ZNF354B: variants seen among roughly 807,000 people sequenced by gnomAD.
ZNF354B encodes zinc finger protein 354B.
A neutral mutation model predicts 12.9 loss-of-function variants in ZNF354B; 10 were observed. The observed-to-expected ratio is 0.77, with a 90% CI of 0.48 to 1.31. The LOEUF (loss-of-function observed/expected upper bound fraction) is 1.31, where lower values mean the gene tolerates loss of function less well. Ranked by LOEUF, ZNF354B falls within the 40% of genes most tolerant of loss-of-function variation. The pLI, the probability that ZNF354B is intolerant of heterozygous loss-of-function variation, is 0.00. For missense variants in ZNF354B, 614 were observed against 711.7 expected, an observed-to-expected ratio of 0.86 and a Z score of 1.56; for synonymous variants, 260 against 243.7, an observed-to-expected ratio of 1.07 and a Z score of -0.62.
At chr5:178,861,196 C>G (rs542007982) in intron 2 of ZNF354B, 116 bp downstream of exon 2, 1 of 1,078,664 alleles carries the variant, frequency 9.3e-7, no homozygotes, top group African/African-American at 1.6e-5. Flanking sequence ...CTTGGAGGAG[C>G]TGGTCCGCCC....
At chr5:178,861,533 T>C (rs552823196) in intron 2 of ZNF354B, among the ~76,000 whole-genome samples, 2 of 152,344 alleles carry the variant, frequency 1.3e-5, no homozygotes, top group South Asian at 4.1e-4. Flanking sequence ...GTGAATCATA[T>C]TCTTTGCTTG....
chr5:178,866,973 C>T lies in ZNF354B; in HGVS notation c.161-3C>T, dbSNP rs748822648. 3 of 1,613,080 alleles carry T rather than the reference C, an allele frequency of 1.9e-6. No individual in the cohort carries two copies. Among genetic ancestry groups the T allele is most frequent in the Admixed American group, 3.3e-5 (2 of 59,950 alleles). ...TTTTGTTGTTGTTGTTGTTTATGTGCAGGACTCTCATTTACCAAACCAAAA... is the reference window on the plus strand; with the variant it reads ...TTTTGTTGTTGTTGTTGTTTATGTGTAGGACTCTCATTTACCAAACCAAAA... On this transcript the variant is annotated splice_region_variant and splice_polypyrimidine_tract_variant and intron_variant, in intron 3 of 4. Transcript: ENST00000322434.
At chr5:178,864,661 C>T (rs115299474) in intron 2 of ZNF354B, among the ~76,000 whole-genome samples, 2,175 of 149,166 alleles carry the variant, frequency 0.015, 59 homozygotes, top group African/African-American at 0.05. Flanking sequence ...CTCACTTTAT[C>T]ACCAAGGCTG....
chr5:178,884,018 T>G lies in ZNF354B; in HGVS notation c.1566T>G (p.Tyr522Ter), dbSNP rs1031245461. ...HQRIHTGEKPYRCLECGMSFG... is the reference protein window; with the variant it reads ...HQRIHTGEKP ...GAATTCATACTGGAGAGAAACCATA[T>G]CGATGTTTAGAATGTGGGATGTCTT... Residue 522 changes from tyrosine (Y) to a stop codon, truncating the protein, a stop_gained, in exon 5 of 5, where the codon TAT (tyrosine) becomes TAG (stop). Transcript: ENST00000322434. LOFTEE classifies it low-confidence loss of function (END_TRUNC). 5.0e-6 allele frequency: 8 copies of G among 1,613,996 alleles called. No individual in the cohort carries two copies. Among genetic ancestry groups the G allele is most frequent in the Non-Finnish European group, 5.9e-6 (7 of 1,179,990 alleles).
chr5:178,862,362 C>CTTCT (rs1554103038), intron 2 of ZNF354B, among the ~76,000 whole-genome samples: 1 of 105,618 alleles, frequency 9.5e-6, no homozygotes, highest in African/African-American at 3.9e-5. Flanking sequence ...GTGGCATTAT[C>CTTCT]TTTTTTTTTT....
chr5:178,876,733 G>A (rs537580424), intron 4 of ZNF354B, among the ~76,000 whole-genome samples: 36 of 151,940 alleles, frequency 2.4e-4, no homozygotes, highest in African/African-American at 8.4e-4. Flanking sequence ...TTTCCTCTTG[G>A]TTTCTTTTTG....
At chr5:178,864,785 G>C (rs1347398975) in intron 2 of ZNF354B, among the ~76,000 whole-genome samples, 2 of 151,960 alleles carry the variant, frequency 1.3e-5, no homozygotes, top group East Asian at 3.9e-4. Flanking sequence ...ACCACGCCCG[G>C]CTAATTTTTT....
At chr5:178,864,758 G>A (rs1370358078) in intron 2 of ZNF354B, among the ~76,000 whole-genome samples, 2 of 151,924 alleles carry the variant, frequency 1.3e-5, no homozygotes, top group Non-Finnish European at 2.9e-5. Flanking sequence ...GAGTAGCTGG[G>A]ATTACAGGCA....
chr5:178,874,371 G>A (rs556175620), intron 4 of ZNF354B, among the ~76,000 whole-genome samples: 5 of 152,258 alleles, frequency 3.3e-5, no homozygotes, highest in African/African-American at 1.2e-4. Flanking sequence ...TTCTTTCAGG[G>A]ATGGCAATGA....
At chr5:178,876,200 A>AG (rs1334861061) in intron 4 of ZNF354B, among the ~76,000 whole-genome samples, 1 of 152,228 alleles carries the variant, frequency 6.6e-6, no homozygotes, top group Admixed American at 6.5e-5. Flanking sequence ...TGAAGCATTC[A>AG]GGTAGGCTTG....
At chr5:178,869,229 C>T (rs1757517253) in intron 4 of ZNF354B, among the ~76,000 whole-genome samples, 1 of 152,148 alleles carries the variant, frequency 6.6e-6, no homozygotes, top group Non-Finnish European at 1.5e-5. Context: ...CAGTGATGGC[C>T]CCTTGTGCCA....
At position 178,874,494 on chromosome 5, in the gene ZNF354B, C is replaced by T. The variant is rs75554363; in HGVS notation, c.256+7423C>T. 2.6e-3 allele frequency among the ~76,000 whole-genome samples: 389 copies of T among 152,310 alleles called. 1 individual carries two copies. The highest frequency in any genetic ancestry group is 8.8e-3 in the African/African-American group (366 of 41,560). On this transcript the variant is annotated intron_variant, in intron 4 of 4. Coordinates refer to ENST00000322434, the MANE Select transcript of ZNF354B (RefSeq NM_058230.3). ...ATCTGGCTGAGTTCAGAGAGCCAGA[C>T]TTTGAGCTCTGAGATTTTTTCCTCA...
In ZNF354B at chr5:178,866,533, A is replaced by G. The variant is rs111949542; in HGVS notation, c.160+163A>G. Among the ~76,000 whole-genome samples, 3,658 of 152,290 alleles carry G rather than the reference A, an allele frequency of 0.024. 141 individuals are homozygous for G. Among genetic ancestry groups the G allele is most frequent in the African/African-American group, 0.083 (3,447 of 41,546 alleles). On this transcript the variant is annotated intron_variant, in intron 3 of 4. Transcript: ENST00000322434. Reference sequence around the variant, plus strand: ...ACATTGATAACTTAACTTTCTCCTAATAAGTATGGAATTGCTCTATGTCTT... The same window carrying G: ...ACATTGATAACTTAACTTTCTCCTAGTAAGTATGGAATTGCTCTATGTCTT...
intron 4 of ZNF354B, among the ~76,000 whole-genome samples, chr5:178,881,706 C>T (rs979188991): frequency 6.6e-6 from 1 of 152,034 alleles, no homozygotes; most frequent in Non-Finnish European, 1.5e-5. Context: ...CACCCAGGCG[C>T]AATCTCGGCT....
intron 2 of ZNF354B, among the ~76,000 whole-genome samples, chr5:178,863,047 T>C (rs75164860): frequency 0.15 from 22,569 of 152,190 alleles, 2,050 homozygotes; most frequent in African/African-American, 0.25. Flanking sequence ...GTCTCAGGGC[T>C]CTATGCAGAT....
At chr5:178,877,352 T>G (rs1191944914) in intron 4 of ZNF354B, among the ~76,000 whole-genome samples, 1 of 152,078 alleles carries the variant, frequency 6.6e-6, no homozygotes, top group East Asian at 1.9e-4. Flanking sequence ...ATGTTTTTAG[T>G]AGAGACAGGA....
intron 4 of ZNF354B, among the ~76,000 whole-genome samples, chr5:178,880,502 C>CTTTTT (rs567348591): frequency 7.2e-6 from 1 of 138,512 alleles, no homozygotes; most frequent in East Asian, 2.1e-4. Flanking sequence ...CCGGCCTCCT[C>CTTTTT]TTTTTTTTTT....
chr5:178,861,640 T>C (rs1196136019), intron 2 of ZNF354B, among the ~76,000 whole-genome samples: 1 of 149,348 alleles, frequency 6.7e-6, no homozygotes, highest in Non-Finnish European at 1.5e-5. Context: ...TGAACAGAGT[T>C]GGAGAGGTCG....
At chr5:178,862,125 G>A (rs1277473800) in intron 2 of ZNF354B, among the ~76,000 whole-genome samples, 1 of 152,000 alleles carries the variant, frequency 6.6e-6, no homozygotes, top group South Asian at 2.1e-4. Flanking sequence ...AGCATACCAG[G>A]GAATGGGCTG....
Sources: gnomAD v4.1 joint callset for allele counts (sites outside exome capture counted in the v4.1 genomes callset) on GRCh38, gnomAD v4.1.1 for gene constraint, MANE v1.5 for transcripts, NCBI Gene and HGNC (gene_info 2026-07-23, HGNC 2026-07-21) for gene names.